Variants in DLGAP1 observed in about 807,000 individuals in gnomAD.
The protein encoded by DLGAP1 is disks large-associated protein 1.
A neutral mutation model predicts 90.8 loss-of-function variants in DLGAP1; 11 were observed. That is an observed-to-expected ratio of 0.12 (90% CI 0.08 to 0.20). The LOEUF (loss-of-function observed/expected upper bound fraction) is 0.20, where lower values mean the gene tolerates loss of function less well. DLGAP1 is among the 10% of genes least tolerant of loss of function. The pLI, the probability that DLGAP1 is intolerant of heterozygous loss-of-function variation, is 1.00. For synonymous variants in DLGAP1, 558 were observed against 540.7 expected (o/e 1.03, Z -0.44); for missense variants, 1,050 against 1,333.8 (o/e 0.79, Z 3.31).
At chr18:3,656,891 C>T (rs1164625817) in intron 7 of DLGAP1, among the ~76,000 whole-genome samples, 2 of 152,026 alleles carry the variant, frequency 1.3e-5, no homozygotes, top group Non-Finnish European at 2.9e-5. Context: ...GGACTACAGG[C>T]GCCCGCCAGC....
At chr18:3,581,236 G>C (rs1298573727) in intron 8 of DLGAP1, among the ~76,000 whole-genome samples, 1 of 152,202 alleles carries the variant, frequency 6.6e-6, no homozygotes, top group Non-Finnish European at 1.5e-5. Flanking sequence ...GTCCCTCTGG[G>C]AGAGCTCTGC....
chr18:3,821,855 T>G (rs1476629731), intron 4 of DLGAP1: 11 of 959,246 alleles, frequency 1.1e-5, no homozygotes, highest in Non-Finnish European at 1.4e-5. Context: ...GTTGGCCTTC[T>G]AAGCACTTTT....
At chr18:3,985,221 G>A (rs939845737) in intron 3 of DLGAP1, among the ~76,000 whole-genome samples, 1 of 152,070 alleles carries the variant, frequency 6.6e-6, no homozygotes, top group Non-Finnish European at 1.5e-5. Context: ...GTGTCATACT[G>A]TCTCCCTCTC....
At chr18:3,511,381 T>G (rs889487058) in intron 10 of DLGAP1, among the ~76,000 whole-genome samples, 1 of 152,176 alleles carries the variant, frequency 6.6e-6, no homozygotes, top group Non-Finnish European at 1.5e-5. Flanking sequence ...TCACATTTGT[T>G]GCACATGCCT....
chr18:3,734,884 A>G (rs1034223689), intron 6 of DLGAP1, among the ~76,000 whole-genome samples: 11 of 152,170 alleles, frequency 7.2e-5, no homozygotes, highest in Admixed American at 2.6e-4. Flanking sequence ...ATATTTTGCC[A>G]CACAGAAATA....
At chr18:4,445,734 T>A (rs915818509) in intron 1 of DLGAP1, among the ~76,000 whole-genome samples, 4 of 152,038 alleles carry the variant, frequency 2.6e-5, no homozygotes, top group African/African-American at 9.7e-5. Context: ...TCTCAGAATA[T>A]TCACATAAAA....
chr18:3,874,420 T>C, intron 4 of DLGAP1: 1 of 1,440,104 alleles, frequency 6.9e-7, no homozygotes, highest in Non-Finnish European at 9.1e-7. Context: ...GGTTAACAGT[T>C]GGAAATCTAA....
At chr18:4,333,859 C>T (rs563713339) in intron 1 of DLGAP1, among the ~76,000 whole-genome samples, 17 of 151,408 alleles carry the variant, frequency 1.1e-4, no homozygotes, top group African/African-American at 4.1e-4. Context: ...CTTGGCCTCC[C>T]AAAGTGCCGG....
chr18:3,970,956 T>C (rs927942612), intron 3 of DLGAP1, among the ~76,000 whole-genome samples: 40 of 152,168 alleles, frequency 2.6e-4, no homozygotes, highest in African/African-American at 9.7e-4. Context: ...ATGCATTTAT[T>C]TCCAGAAGTG....
intron 9 of DLGAP1, among the ~76,000 whole-genome samples, chr18:3,567,042 TTTCA>T (rs71366684): frequency 8.6e-4 from 124 of 144,802 alleles, no homozygotes; most frequent in South Asian, 1.3e-3. Flanking sequence ...ATATCTTCTT[TTTCA>T]TTCATTCATT....
chr18:3,788,528 C>CT lies in DLGAP1; in HGVS notation c.1172+25530dup, dbSNP rs562329058. Among the ~76,000 whole-genome samples, 30 of 152,220 alleles carry CT rather than the reference C, an allele frequency of 2.0e-4. No individual in the cohort carries two copies. In the South Asian group the frequency reaches 4.6e-3, roughly 23 times the overall value. On this transcript the variant is annotated intron_variant, in intron 5 of 12. Transcript: ENST00000315677. ...AAAATAATTTCTACTTCTACAACACCTTTTTTTCTGAGGATTACAAACAAC... is the reference window on the plus strand; with the variant it reads ...AAAATAATTTCTACTTCTACAACACCTTTTTTTTCTGAGGATTACAAACAAC...
At chr18:4,038,103 G>A (rs2074918568) in intron 2 of DLGAP1, among the ~76,000 whole-genome samples, 1 of 152,200 alleles carries the variant, frequency 6.6e-6, no homozygotes, top group Non-Finnish European at 1.5e-5. Flanking sequence ...ATACAGGCAT[G>A]ATTCTTCATG....
intron 1 of DLGAP1, among the ~76,000 whole-genome samples, chr18:4,348,221 A>C (rs1438781837): frequency 2.0e-5 from 3 of 152,156 alleles, no homozygotes; most frequent in Non-Finnish European, 4.4e-5. Flanking sequence ...ATGAAGATTA[A>C]GCAAATAATT....
intron 5 of DLGAP1, among the ~76,000 whole-genome samples, chr18:3,753,791 C>T (rs756753502): frequency 4.6e-5 from 7 of 152,180 alleles, no homozygotes; most frequent in Non-Finnish European, 1.0e-4. Flanking sequence ...TATTTAAAGA[C>T]ATATTCTGAC....
At chr18:4,024,437 C>T (rs980367649) in intron 2 of DLGAP1, among the ~76,000 whole-genome samples, 4 of 152,148 alleles carry the variant, frequency 2.6e-5, no homozygotes, top group Non-Finnish European at 5.9e-5. Flanking sequence ...GTGCTACCCC[C>T]ACAATGGTGA....
At chr18:3,538,153 A>AT (rs1420664521) in intron 9 of DLGAP1, among the ~76,000 whole-genome samples, 3 of 152,120 alleles carry the variant, frequency 2.0e-5, no homozygotes, top group African/African-American at 4.8e-5. Context: ...CAATAAATCA[A>AT]TTTTTTCTCT....
intron 9 of DLGAP1, among the ~76,000 whole-genome samples, chr18:3,535,877 CA>C (rs925441515): frequency 6.6e-6 from 1 of 150,732 alleles, no homozygotes. Flanking sequence ...ACTAAAAATA[CA>C]AAAAAAATTA....
chr18:3,851,632 A>C (rs2069347455), intron 4 of DLGAP1, among the ~76,000 whole-genome samples: 1 of 152,202 alleles, frequency 6.6e-6, no homozygotes, highest in South Asian at 2.1e-4. Context: ...CCTATATAAC[A>C]AACCTGCACA....
chr18:4,036,503 A>G (rs1033542512), intron 2 of DLGAP1, among the ~76,000 whole-genome samples: 3 of 152,188 alleles, frequency 2.0e-5, no homozygotes, highest in Non-Finnish European at 4.4e-5. Context: ...GCTTCTGTAT[A>G]TCAGTATTTC....
Sources: allele counts gnomAD v4.1 joint callset (sites outside exome capture counted in the v4.1 genomes callset), GRCh38; gene constraint gnomAD v4.1.1; transcripts MANE v1.5; gene names NCBI Gene and HGNC (gene_info 2026-07-23, HGNC 2026-07-21).